Variants in MICAL2 observed in about 807,000 individuals in gnomAD.
The protein encoded by MICAL2 is microtubule associated monooxygenase, calponin and LIM domain containing 2, also known as [F-actin]-monooxygenase MICAL2.
Under a neutral mutation model 127.3 loss-of-function variants are expected in MICAL2, and 77 were observed. The ratio of observed to expected loss-of-function variants is 0.60; its 90% CI spans 0.50 to 0.73. The LOEUF (loss-of-function observed/expected upper bound fraction) is 0.73, where lower values mean the gene tolerates loss of function less well. MICAL2 is among the 30% of genes least tolerant of loss of function. The probability of loss-of-function intolerance (pLI) is 0.00; values close to 1 mark genes in which losing one functional copy is unlikely to be tolerated. For synonymous variants in MICAL2, 570 were observed against 551.1 expected (o/e 1.03, Z -0.48); for missense variants, 1,351 against 1,434.4 (o/e 0.94, Z 0.94).
At chr11:12,293,774 C>T (rs1863935596), downstream of MICAL2, 2 of 1,613,338 alleles carry the variant, frequency 1.2e-6, no homozygotes, top group African/African-American at 2.7e-5. Flanking sequence ...TGATGAGTGC[C>T]AGCCAGCAGA....
intron 21 of MICAL2, among the ~76,000 whole-genome samples, chr11:12,245,888 G>T (rs915511588): frequency 3.3e-5 from 5 of 152,254 alleles, no homozygotes; most frequent in African/African-American, 1.2e-4. Context: ...AGGATGGTGG[G>T]AGGGGAGAAG....
chr11:12,278,227 CTT>C (rs1863740347), intron 1 of MICAL2, among the ~76,000 whole-genome samples: 1 of 152,196 alleles, frequency 6.6e-6, no homozygotes, highest in Non-Finnish European at 1.5e-5. Context: ...CTTACTGTAA[CTT>C]TGTTACTTTC....
Position 12,122,859 on chromosome 11 carries a change from T to C in MICAL2, c.-149+12133T>C, listed in dbSNP as rs571788320. Among the ~76,000 whole-genome samples the C allele has an allele frequency of 1.5e-4, 23 of 152,316 alleles. No homozygotes were observed. The East Asian group carries it at 4.2e-3, about 28-fold the overall frequency. Reference sequence around the variant, plus strand: ...GGGAGAGCCTTATCATCAATCCCACTGGATGCTTGACTCCACAGTGGTGGT... The same window carrying C: ...GGGAGAGCCTTATCATCAATCCCACCGGATGCTTGACTCCACAGTGGTGGT... On this transcript the variant is annotated intron_variant, in intron 1 of 27. Coordinates refer to ENST00000683283, the MANE Select transcript of MICAL2 (RefSeq NM_001282663.2).
intron 3 of MICAL2, among the ~76,000 whole-genome samples, chr11:12,202,894 T>A (rs7107593): frequency 6.6e-6 from 1 of 152,220 alleles, no homozygotes; most frequent in Non-Finnish European, 1.5e-5. Flanking sequence ...ATTCCAGAAC[T>A]TCCCAAAAAT....
chr11:12,340,228 AT>A (rs1938837982), intron 32 of MICAL2, among the ~76,000 whole-genome samples: 1 of 152,260 alleles, frequency 6.6e-6, no homozygotes, highest in Non-Finnish European at 1.5e-5. Flanking sequence ...ACAACCCAAT[AT>A]AAATATAGAC....
intron 2 of MICAL2, among the ~76,000 whole-genome samples, chr11:12,144,411 T>C (rs1590059852): frequency 1.3e-5 from 2 of 152,192 alleles, no homozygotes; most frequent in South Asian, 4.2e-4. Context: ...CTTCTGGATG[T>C]TGGAGTTTGG....
At position 12,261,813 on chromosome 11, in the gene MICAL2, C is replaced by T. The variant is rs1863154240; in HGVS notation, c.3335-667C>T. ...GTTGGCACTGTTCTCAGTCCGATGA[C>T]TTGCATTGTGTTTTCTCCAATTTTT... On this transcript the variant is annotated intron_variant, in intron 26 of 27. Transcript: ENST00000683283. 4 of 985,614 alleles carry T rather than the reference C, an allele frequency of 4.1e-6. No homozygotes were observed. In the African/African-American group the frequency reaches 5.2e-5, roughly 13 times the overall value. The allele number at this position is 985,614 out of a possible 1,614,324, so 61.1% of individuals were successfully genotyped here.
In MICAL2 at chr11:12,256,794, C is replaced by T. The variant is rs781608518; in HGVS notation, c.2965C>T (p.Arg989Ter). 3 of 1,610,890 alleles carry T rather than the reference C, an allele frequency of 1.9e-6. No individual in the cohort carries two copies. The highest frequency in any genetic ancestry group is 2.2e-5 in the East Asian group (1 of 44,810). Residue 989 changes from arginine to a stop codon, truncating the protein, a stop_gained, in exon 24 of 28, where the codon CGA becomes TGA. Transcript: ENST00000683283. LOFTEE classifies it high-confidence loss of function. ...CTCTCCCGATCCCCAGGAATCTATG[C>T]GAAAGTCATTTCCCCTTAACCTGGG... is the stretch of plus-strand genomic sequence containing the variant. ...QATSPDLESM[R>*]KSFPLNLGGS... is the part of the protein sequence containing the mutation.
rs531345392 is a variant in MICAL2 at position 12,310,878 on chromosome 11, A to G, written c.5213-8818A>G. Among the ~76,000 whole-genome samples the G allele has an allele frequency of 1.2e-4, 18 of 151,464 alleles. No individual in the cohort carries two copies. In the South Asian group the frequency reaches 3.8e-3, roughly 32 times the overall value. Reference sequence around the variant, plus strand: ...TTGTTTTATAGTTTTTCTTGTAGAGATCTTTCACTTCTTTGGTTAAATTTA... The same window carrying G: ...TTGTTTTATAGTTTTTCTTGTAGAGGTCTTTCACTTCTTTGGTTAAATTTA... On this transcript the variant is annotated intron_variant, in intron 29 of 34. Coordinates refer to the MICAL2 transcript ENST00000646065.
chr11:12,235,899 A>T (rs543069742), intron 15 of MICAL2, among the ~76,000 whole-genome samples: 1 of 152,294 alleles, frequency 6.6e-6, no homozygotes, highest in South Asian at 2.1e-4. Flanking sequence ...TGTTTCATGA[A>T]GATCTTTTGG....
intron 21 of MICAL2, among the ~76,000 whole-genome samples, chr11:12,247,924 G>C (rs1427836425): frequency 6.6e-6 from 1 of 152,182 alleles, no homozygotes; most frequent in African/African-American, 2.4e-5. Context: ...GGGAGCAAGA[G>C]GAAGAAAAAT....
chr11:12,231,194 G>T (rs563252782), intron 15 of MICAL2, among the ~76,000 whole-genome samples: 2 of 152,306 alleles, frequency 1.3e-5, no homozygotes, highest in Admixed American at 6.5e-5. Context: ...TGGCCACTAC[G>T]GTCATTACTG....
intron 16 of MICAL2, among the ~76,000 whole-genome samples, chr11:12,237,852 G>A (rs1166055254): frequency 6.6e-6 from 1 of 152,196 alleles, no homozygotes; most frequent in Non-Finnish European, 1.5e-5. Flanking sequence ...ATTTCCTGGT[G>A]ATTCGTGGAC....
At chr11:12,111,646 C>T (rs112897822) in intron 1 of MICAL2, among the ~76,000 whole-genome samples, 3,147 of 152,326 alleles carry the variant, frequency 0.021, 49 homozygotes, top group Non-Finnish European at 0.034. Flanking sequence ...GCCTGTAGGG[C>T]CCCGCCAGGC....
intron 7 of MICAL2, among the ~76,000 whole-genome samples, chr11:12,215,547 T>G (rs1443057746): frequency 6.6e-6 from 1 of 152,208 alleles, no homozygotes; most frequent in Non-Finnish European, 1.5e-5. Flanking sequence ...ATAATTTGCA[T>G]TGCTAGTATG....
chr11:12,357,422 A>G (rs1939145143), intron 34 of MICAL2, among the ~76,000 whole-genome samples: 1 of 152,202 alleles, frequency 6.6e-6, no homozygotes, highest in Non-Finnish European at 1.5e-5. Context: ...AAGGTCAGGT[A>G]CTCGAGAAGA....
intron 29 of MICAL2, among the ~76,000 whole-genome samples, chr11:12,314,676 C>T (rs1231264220): frequency 3.4e-5 from 4 of 116,372 alleles, no homozygotes; most frequent in East Asian, 4.9e-4. Context: ...TTAGTAGAGA[C>T]GGGGTTTCAC....
intron 32 of MICAL2, among the ~76,000 whole-genome samples, chr11:12,328,305 T>C (rs1257034584): frequency 2.0e-5 from 3 of 152,124 alleles, no homozygotes; most frequent in Non-Finnish European, 4.4e-5. Flanking sequence ...AATGCTGTCA[T>C]AGGAACAAGC....
Position 12,337,369 on chromosome 11 carries a change from G to A in MICAL2, c.5515+10103G>A, listed in dbSNP as rs556029863. Among the ~76,000 whole-genome samples the A allele has an allele frequency of 8.2e-3, 1,243 of 151,544 alleles. 23 individuals are homozygous for A. Among genetic ancestry groups the A allele is most frequent in the African/African-American group, 0.029 (1,191 of 41,376 alleles). ...TTTATTCTTTATTAGTCTTGCTAGC[G>A]GTCTATCAATTTTGTTGATCTTTTC... On this transcript the variant is annotated intron_variant, in intron 32 of 34. Transcript: ENST00000646065.
Sources: allele counts gnomAD v4.1 joint callset (sites outside exome capture counted in the v4.1 genomes callset), GRCh38; gene constraint gnomAD v4.1.1; transcripts MANE v1.5; gene names NCBI Gene and HGNC (gene_info 2026-07-23, HGNC 2026-07-21).